Variants in PRKCE observed in about 807,000 individuals in gnomAD.
PRKCE encodes protein kinase C epsilon type.
A neutral mutation model predicts 85.4 loss-of-function variants in PRKCE; 16 were observed. The observed-to-expected ratio is 0.19, with a 90% CI of 0.13 to 0.28. The LOEUF (loss-of-function observed/expected upper bound fraction) is 0.28. PRKCE is among the 10% of genes least tolerant of loss of function. The pLI, the probability that PRKCE is intolerant of heterozygous loss-of-function variation, is 1.00. For synonymous variants in PRKCE, 388 were observed against 371.5 expected (o/e 1.04, Z -0.51); for missense variants, 573 against 975.2 (o/e 0.59, Z 5.49).
intron 1 of PRKCE, among the ~76,000 whole-genome samples, chr2:45,835,597 GTT>G (rs34000335): frequency 0.46 from 65,321 of 143,368 alleles, 14,615 homozygotes; most frequent in Middle Eastern, 0.56. Flanking sequence ...TAGTATATTT[GTT>G]TTTTTTTTTT....
At chr2:46,047,704 T>C (rs1437684142) in intron 10 of PRKCE, among the ~76,000 whole-genome samples, 5 of 152,314 alleles carry the variant, frequency 3.3e-5, no homozygotes, top group Admixed American at 3.3e-4. Context: ...CCATTTCCCC[T>C]CCCCTTATTT....
At chr2:45,766,567 G>GACA (rs1684927807) in intron 1 of PRKCE, among the ~76,000 whole-genome samples, 1 of 152,222 alleles carries the variant, frequency 6.6e-6, no homozygotes, top group Admixed American at 6.5e-5. Context: ...GTAAGACAAA[G>GACA]GAAGAACCTG....
At chr2:45,769,356 C>T (rs1483498034) in intron 1 of PRKCE, among the ~76,000 whole-genome samples, 4 of 152,084 alleles carry the variant, frequency 2.6e-5, no homozygotes, top group African/African-American at 9.7e-5. Context: ...GGTGTTAGGG[C>T]TTCAGTCATG....
intron 5 of PRKCE, among the ~76,000 whole-genome samples, chr2:45,980,796 C>T (rs1159713680): frequency 1.3e-5 from 2 of 152,040 alleles, no homozygotes; most frequent in South Asian, 4.2e-4. Context: ...TGAGCAAGCC[C>T]AAGGAATACT....
intron 10 of PRKCE, 37 bp from the exon 11 acceptor site, chr2:46,086,171 C>G (rs774462847): frequency 1.3e-6 from 2 of 1,594,086 alleles, no homozygotes; most frequent in East Asian, 2.2e-5. Flanking sequence ...CAGCTGCAAT[C>G]AAATGACCCA....
chr2:46,025,039 G>C (rs1021877641), intron 10 of PRKCE, among the ~76,000 whole-genome samples: 1 of 152,134 alleles, frequency 6.6e-6, no homozygotes, highest in African/African-American at 2.4e-5. Flanking sequence ...CAAAGTATAG[G>C]TAGGCTCCAC....
At chr2:45,678,545 G>A (rs943388596) in intron 1 of PRKCE, among the ~76,000 whole-genome samples, 2 of 143,144 alleles carry the variant, frequency 1.4e-5, no homozygotes, top group Admixed American at 6.9e-5. Flanking sequence ...CTGATTTAGT[G>A]TATTAAAACT....
chr2:45,657,232 A>G (rs561887663), intron 1 of PRKCE, among the ~76,000 whole-genome samples: 1 of 152,312 alleles, frequency 6.6e-6, no homozygotes, highest in African/African-American at 2.4e-5. Context: ...ATCCAGAGGT[A>G]CAGAAAGCCA....
intron 11 of PRKCE, among the ~76,000 whole-genome samples, chr2:46,143,857 T>C (rs1413233708): frequency 6.6e-6 from 1 of 152,240 alleles, no homozygotes; most frequent in African/African-American, 2.4e-5. Context: ...GTGGCTACAA[T>C]GCAGGCTGGT....
chr2:45,866,073 A>T (rs1303647945), intron 2 of PRKCE, among the ~76,000 whole-genome samples: 2 of 151,224 alleles, frequency 1.3e-5, no homozygotes, highest in African/African-American at 4.9e-5. Flanking sequence ...TCTCTCCTCA[A>T]CCTCCCAAAG....
intron 2 of PRKCE, among the ~76,000 whole-genome samples, chr2:45,940,278 G>A (rs997450486): frequency 6.6e-6 from 1 of 152,328 alleles, no homozygotes; most frequent in Middle Eastern, 3.4e-3. Context: ...GGAGTGGCCT[G>A]CAAAGTGGAA....
chr2:45,761,531 G>A (rs1019719388), intron 1 of PRKCE, among the ~76,000 whole-genome samples: 15 of 151,960 alleles, frequency 9.9e-5, no homozygotes, highest in East Asian at 1.9e-4. Flanking sequence ...CAGAAAGAAC[G>A]GGGCTTGTGG....
chr2:46,176,233 G>C (rs746029156), intron 14 of PRKCE, among the ~76,000 whole-genome samples: 8 of 152,106 alleles, frequency 5.3e-5, no homozygotes, highest in African/African-American at 1.7e-4. Flanking sequence ...AGCTCACCTG[G>C]GGAGCCCTAT....
intron 10 of PRKCE, among the ~76,000 whole-genome samples, chr2:46,059,248 G>A (rs556406279): frequency 6.6e-6 from 1 of 151,854 alleles, no homozygotes; most frequent in African/African-American, 2.4e-5. Context: ...TGATCGCGCC[G>A]TTGCACTCCA....
rs113061842 is a variant in PRKCE, at chr2:45,764,755, A to T, written c.349-78245A>T. Among the ~76,000 whole-genome samples, 43 of 152,326 alleles carry T rather than the reference A, an allele frequency of 2.8e-4. 2 individuals carry two copies. The highest frequency in any genetic ancestry group is 9.9e-4 in the African/African-American group (41 of 41,568). ...ATGCCAGAAACTTGAGGCTGGGGTT[A>T]CTATTATTTTTGAGCTTGGAAATTG... On this transcript the variant is annotated intron_variant, in intron 1 of 14. Coordinates refer to ENST00000306156, the MANE Select transcript of PRKCE (RefSeq NM_005400.3).
At position 46,163,678 on chromosome 2, in the gene PRKCE, C is replaced by G. The variant is rs183573307; in HGVS notation, c.2067+3926C>G. ...AAGCTGAGGCACACCCCACAGAGGC[C>G]ACTGAGAGACACGGGGAAGCTGAGG... On this transcript the variant is annotated intron_variant, in intron 14 of 14. Transcript: ENST00000306156. 9.6e-3 allele frequency among the ~76,000 whole-genome samples: 1,390 copies of G among 144,874 alleles called. 47 individuals carry two copies. The highest frequency in any genetic ancestry group is 0.014 in the Non-Finnish European group (941 of 65,972).
chr2:45,925,330 C>G (rs1698532236), intron 2 of PRKCE, among the ~76,000 whole-genome samples: 1 of 151,634 alleles, frequency 6.6e-6, no homozygotes, highest in Non-Finnish European at 1.5e-5. Context: ...ACAGTTTGCT[C>G]TTGTCACCCA....
Position 45,661,624 on chromosome 2 carries a change from G to T in PRKCE, c.348+9176G>T, listed in dbSNP as rs1036232680. 2.0e-5 allele frequency among the ~76,000 whole-genome samples: 3 copies of T among 149,244 alleles called. No homozygotes were observed. In the East Asian group the frequency reaches 5.8e-4, roughly 29 times the overall value. On this transcript the variant is annotated intron_variant, in intron 1 of 14. Coordinates refer to ENST00000306156, the MANE Select transcript of PRKCE (RefSeq NM_005400.3). ...ACTCACTGCAAGCTCCGCCTCCCGG[G>T]TTCACACCATTCTTCTGCCTCAGCC...
intron 6 of PRKCE, among the ~76,000 whole-genome samples, chr2:45,998,115 ATTC>A: frequency 6.6e-6 from 1 of 152,222 alleles, no homozygotes; most frequent in Admixed American, 6.5e-5. Flanking sequence ...AAGAATGTGT[ATTC>A]TTCTGTCACC....
Sources: allele counts gnomAD v4.1 joint callset (sites outside exome capture counted in the v4.1 genomes callset), GRCh38; gene constraint gnomAD v4.1.1; transcripts MANE v1.5; gene names NCBI Gene and HGNC (gene_info 2026-07-23, HGNC 2026-07-21).